The following ADAM2 variants were observed in gnomAD, a reference collection of about 807,000 sequenced individuals.
ADAM2 encodes the protein disintegrin and metalloproteinase domain-containing protein 2.
A neutral mutation model predicts 99.3 loss-of-function variants in ADAM2; 101 were observed. The ratio of observed to expected loss-of-function variants is 1.02; its 90% confidence interval spans 0.87 to 1.20. The LOEUF (loss-of-function observed/expected upper bound fraction) is 1.20, where lower values mean the gene tolerates loss of function less well. Among genes scored for constraint, ADAM2 ranks in the 50% most tolerant of loss-of-function variants. ADAM2 has a pLI of 0.00. For missense variants in ADAM2, 948 were observed against 878.7 expected (o/e 1.08, Z -1.00); for synonymous variants, 323 against 287.6 (o/e 1.12, Z -1.25).
chr8:39,771,171 G>T (rs202007), intron 11 of ADAM2, among the ~76,000 whole-genome samples: 99,103 of 152,014 alleles, frequency 0.65, 32,450 homozygotes, highest in East Asian at 0.87. Flanking sequence ...CCATCAAATA[G>T]TCTACTATTT....
chr8:39,787,105 T>C (rs755964459), intron 9 of ADAM2, 50 bp from the exon 10 acceptor site: 3 of 1,176,950 alleles, frequency 2.5e-6, no homozygotes, highest in East Asian at 5.3e-5. Context: ...AAAATTAATA[T>C]GAATTTTTAT....
At chr8:39,807,648 C>A (rs1312489932) in intron 7 of ADAM2, among the ~76,000 whole-genome samples, 1 of 152,092 alleles carries the variant, frequency 6.6e-6, no homozygotes, top group Non-Finnish European at 1.5e-5. Flanking sequence ...TGGTGGCCAT[C>A]TGTAGGCTAG....
chr8:39,836,406 A>T (rs1485415869), intron 2 of ADAM2, among the ~76,000 whole-genome samples: 2 of 152,114 alleles, frequency 1.3e-5, no homozygotes, highest in Admixed American at 1.3e-4. Context: ...TTAGTAATAG[A>T]TATATAGATA....
At chr8:39,805,288 C>T (rs1420574520) in intron 7 of ADAM2, among the ~76,000 whole-genome samples, 3 of 152,088 alleles carry the variant, frequency 2.0e-5, no homozygotes, top group African/African-American at 7.2e-5. Context: ...CAGATAGGCG[C>T]AGGTCAAGAA....
chr8:39,827,849 C>T (rs72642855), intron 3 of ADAM2, among the ~76,000 whole-genome samples: 26,420 of 151,862 alleles, frequency 0.17, 2,485 homozygotes, highest in Admixed American at 0.21. Flanking sequence ...TTGAAAATTG[C>T]TAAGGGATTA....
chr8:39,838,088 G>T (rs966431000), intron 1 of ADAM2, 43 bp downstream of exon 1: 7 of 1,603,766 alleles, frequency 4.4e-6, no homozygotes, highest in South Asian at 1.1e-5. Context: ...GGAGAGTAGC[G>T]CTGAGGGTCC....
chr8:39,802,948 G>T (rs1480167463), intron 7 of ADAM2, among the ~76,000 whole-genome samples: 1 of 152,072 alleles, frequency 6.6e-6, no homozygotes, highest in Non-Finnish European at 1.5e-5. Context: ...ACCAATTATT[G>T]GGTACAATTT....
intron 11 of ADAM2, among the ~76,000 whole-genome samples, chr8:39,769,950 C>CTTT (rs60250805): frequency 1.3e-4 from 18 of 134,844 alleles, no homozygotes; most frequent in Non-Finnish European, 1.9e-4. Context: ...TTTCTTTTTT[C>CTTT]TTTTTTTTTT....
At position 39,812,214 on chromosome 8, in the gene ADAM2, A is replaced by G. The variant is rs569746102; in HGVS notation, c.514-2748T>C. Reference sequence around the variant, plus strand: ...AATAAAATACCTAGGAATCCAACTTACCAGGGATGTGAAGGACCTCTTCAA... The same window carrying G: ...AATAAAATACCTAGGAATCCAACTTGCCAGGGATGTGAAGGACCTCTTCAA... On this transcript the variant is annotated intron_variant, in intron 6 of 20. Transcript: ENST00000265708. Among the ~76,000 whole-genome samples the G allele has an allele frequency of 2.6e-4, 40 of 152,260 alleles. 1 individual carries two copies. The highest frequency in any genetic ancestry group is 4.9e-4 in the Non-Finnish European group (33 of 68,024).
chr8:39,806,522 ATAT>A (rs1176467942), intron 7 of ADAM2, among the ~76,000 whole-genome samples: 43 of 148,246 alleles, frequency 2.9e-4, no homozygotes, highest in African/African-American at 8.1e-4. Context: ...TATTATAAAC[ATAT>A]TATATATAAA....
intron 11 of ADAM2, among the ~76,000 whole-genome samples, 159 bp from the exon 12 acceptor site, chr8:39,769,734 G>A (rs1371860279): frequency 2.6e-5 from 4 of 152,118 alleles, no homozygotes; most frequent in Non-Finnish European, 5.9e-5. Flanking sequence ...AACTGTGCAA[G>A]AATGTAAATA....
Position 39,821,054 on chromosome 8 carries a change from T to A in ADAM2, c.461A>T (p.Asn154Ile). The A allele has an allele frequency of 1.9e-6, 3 of 1,604,266 alleles. No individual in the cohort carries two copies. Among genetic ancestry groups the A allele is most frequent in the Non-Finnish European group, 2.6e-6 (3 of 1,172,860 alleles). ...ATCTCTTGATTCAATATCCTTCTCA[T>A]TATATAAGGAAACATCTGCTTTCTT... ...KHKKADVSLY[N>I]EKDIESRDLS... Residue 154 changes from asparagine to isoleucine, a missense_variant, in exon 6 of 21, where the codon AAT (asparagine) becomes ATT (isoleucine). Coordinates refer to ENST00000265708, the MANE Select transcript of ADAM2 (RefSeq NM_001464.5).
At chr8:39,774,100 G>C (rs889979507) in intron 11 of ADAM2, among the ~76,000 whole-genome samples, 1 of 151,896 alleles carries the variant, frequency 6.6e-6, no homozygotes, top group East Asian at 1.9e-4. Context: ...AGAAACACAT[G>C]AGCATCTCAA....
In ADAM2 at chr8:39,777,025, A is replaced by T. The variant is rs1296428328; in HGVS notation, c.1028T>A (p.Ile343Asn). ...GAVCIMNPEAIHFSGVKIFSN... is the reference protein window; with the variant it reads ...GAVCIMNPEANHFSGVKIFSN... ...AAAGTATAAAAGTCAGAAATCTTAC[A>T]TTGCTTCTGGATTCATAATGCAGAC... Residue 343 changes from isoleucine (I) to asparagine (N), a missense_variant and splice_region_variant, in exon 11 of 21, where the codon ATT (isoleucine) becomes AAT (asparagine). Transcript: ENST00000265708. 4 of 1,559,098 alleles carry T rather than the reference A, an allele frequency of 2.6e-6. No homozygotes were observed.
chr8:39,777,049 A>G lies in ADAM2; in HGVS notation c.1004T>C (p.Val335Ala). Reference sequence around the variant, plus strand: ...CATTGCTTCTGGATTCATAATGCAGACAGCTCCTGAGCACTGGCATTTGTT... The same window carrying G: ...CATTGCTTCTGGATTCATAATGCAGGCAGCTCCTGAGCACTGGCATTTGTT... ...DINKCQCSGAVCIMNPEAIHF... is the reference protein window; with the variant it reads ...DINKCQCSGAACIMNPEAIHF... Residue 335 changes from valine (V) to alanine (A), a missense_variant, in exon 11 of 21, where the codon GTC becomes GCC. Val to Ala is a moderately conservative substitution (Grantham distance 64, BLOSUM62 0). Transcript: ENST00000265708. 1.3e-6 allele frequency: 2 copies of G among 1,589,724 alleles called. No homozygotes were observed. Among genetic ancestry groups the G allele is most frequent in the South Asian group, 1.1e-5 (1 of 90,424 alleles).
chr8:39,760,683 G>A (rs888531588), intron 15 of ADAM2, among the ~76,000 whole-genome samples: 2 of 151,494 alleles, frequency 1.3e-5, no homozygotes, highest in Non-Finnish European at 2.9e-5. Flanking sequence ...ATAGTGCCAC[G>A]GCACTCCAGC....
intron 10 of ADAM2, among the ~76,000 whole-genome samples, chr8:39,786,149 A>G (rs979796352): frequency 4.6e-5 from 7 of 152,188 alleles, no homozygotes; most frequent in African/African-American, 1.7e-4. Context: ...GAAACCAGGA[A>G]CTACCGGGGG....
chr8:39,812,784 A>G (rs889295875), intron 6 of ADAM2, among the ~76,000 whole-genome samples: 1 of 152,226 alleles, frequency 6.6e-6, no homozygotes, highest in Admixed American at 6.5e-5. Flanking sequence ...TGGATTAAAG[A>G]CTTAAATGTT....
chr8:39,763,344 T>G (rs934664369), intron 14 of ADAM2, among the ~76,000 whole-genome samples: 1 of 152,168 alleles, frequency 6.6e-6, no homozygotes, highest in Non-Finnish European at 1.5e-5. Context: ...GTGCAAAAAC[T>G]GCATCCTGGG....
Sources: allele counts gnomAD v4.1 joint callset (sites outside exome capture counted in the v4.1 genomes callset), GRCh38; gene constraint gnomAD v4.1.1; transcripts MANE v1.5; gene names NCBI Gene and HGNC (gene_info 2026-07-23, HGNC 2026-07-21).